The following REV3L variants were observed in gnomAD, a reference collection of about 807,000 sequenced individuals.
REV3L encodes REV3 like, DNA directed polymerase zeta catalytic subunit, also known as DNA polymerase zeta catalytic subunit.
Under a neutral mutation model 299.4 loss-of-function variants are expected in REV3L, and 69 were observed. The observed-to-expected ratio is 0.23, with a 90% CI of 0.19 to 0.28. REV3L has a LOEUF of 0.28. REV3L is among the 10% of genes least tolerant of loss of function. The probability of loss-of-function intolerance (pLI) is 1.00; values close to 1 mark genes in which losing one functional copy is unlikely to be tolerated. For missense variants in REV3L, 3,128 were observed against 3,693.8 expected (o/e 0.85, Z 3.97); for synonymous variants, 1,238 against 1,271.4 (o/e 0.97, Z 0.56).
intron 23 of REV3L, 125 bp from the exon 24 acceptor site, chr6:111,331,909 G>T: frequency 1.5e-6 from 1 of 649,642 alleles, no homozygotes; most frequent in Non-Finnish European, 2.7e-6. Context: ...AAGAATTCAT[G>T]TACTTAGTAA....
chr6:111,476,552 A>C (rs916137048), intron 1 of REV3L, among the ~76,000 whole-genome samples: 7 of 152,218 alleles, frequency 4.6e-5, no homozygotes, highest in African/African-American at 1.7e-4. Flanking sequence ...CAGATTTTGA[A>C]GGATTTCAGA....
intron 5 of REV3L, among the ~76,000 whole-genome samples, chr6:111,391,535 T>A (rs1010519521): frequency 3.9e-5 from 6 of 152,264 alleles, no homozygotes; most frequent in Non-Finnish European, 7.3e-5. Context: ...TATATTTAGA[T>A]GTTCAAACAC....
intron 1 of REV3L, among the ~76,000 whole-genome samples, chr6:111,475,389 T>C (rs572571007): frequency 8.5e-5 from 13 of 152,238 alleles, no homozygotes; most frequent in Non-Finnish European, 1.8e-4. Flanking sequence ...ATGGAATTAC[T>C]AGAACGAAAT....
At chr6:111,425,823 T>C (rs1051364916) in intron 1 of REV3L, among the ~76,000 whole-genome samples, 1 of 151,446 alleles carries the variant, frequency 6.6e-6, no homozygotes, top group Admixed American at 6.6e-5. Flanking sequence ...TCTTACCAAA[T>C]AGAGAATATC....
intron 2 of REV3L, 151 bp downstream of exon 2, chr6:111,416,132 A>C (rs992097064): frequency 6.4e-5 from 31 of 487,564 alleles, no homozygotes; most frequent in Non-Finnish European, 1.0e-4. Flanking sequence ...CATTGCCATA[A>C]AAATTCATGT....
chr6:111,377,526 G>A (rs1488316953), intron 12 of REV3L, among the ~76,000 whole-genome samples, 175 bp downstream of exon 12: 1 of 151,832 alleles, frequency 6.6e-6, no homozygotes, highest in African/African-American at 2.4e-5. Context: ...TTTAGAGACG[G>A]GGGTCCCACT....
chr6:111,366,533 G>C (rs1436127537), intron 14 of REV3L, among the ~76,000 whole-genome samples: 1 of 152,144 alleles, frequency 6.6e-6, no homozygotes, highest in African/African-American at 2.4e-5. Flanking sequence ...GAAGCTCCAA[G>C]AAGGAAGGTA....
At chr6:111,333,477 CTT>C (rs5879102) in intron 22 of REV3L, 110 bp from the exon 23 acceptor site, 72,779 of 961,482 alleles carry the variant, frequency 0.076, no homozygotes, top group Non-Finnish European at 0.086. Flanking sequence ...GATTGTATGA[CTT>C]TTTTTTTTTT....
chr6:111,361,599 G>T (rs1208417653), intron 16 of REV3L: 1 of 151,806 alleles, frequency 6.6e-6, no homozygotes, highest in East Asian at 1.9e-4. Context: ...GTGCTTAGGG[G>T]GTATTTTTTT....
chr6:111,466,942 CTTCCT>C (rs1281566575), intron 1 of REV3L, among the ~76,000 whole-genome samples: 5 of 152,044 alleles, frequency 3.3e-5, no homozygotes, highest in Admixed American at 1.3e-4. Context: ...AAATGAAAAA[CTTCCT>C]TTCAATTTTC....
At chr6:111,464,698 T>C (rs1791213854) in intron 1 of REV3L, among the ~76,000 whole-genome samples, 1 of 152,192 alleles carries the variant, frequency 6.6e-6, no homozygotes, top group South Asian at 2.1e-4. Flanking sequence ...CTGTTATCTA[T>C]GTTTTCCAAA....
At chr6:111,399,015 C>T (rs968061945) in intron 4 of REV3L, among the ~76,000 whole-genome samples, 1 of 152,038 alleles carries the variant, frequency 6.6e-6, no homozygotes, top group Non-Finnish European at 1.5e-5. Context: ...GTAAACACTT[C>T]CGATATTCTG....
chr6:111,325,571 T>C (rs1360761035), intron 25 of REV3L, among the ~76,000 whole-genome samples: 2 of 152,250 alleles, frequency 1.3e-5, no homozygotes, highest in African/African-American at 4.8e-5. Context: ...CTTTTTTGAT[T>C]GTGTGTTCTC....
chr6:111,340,350 G>C (rs1436258783), intron 21 of REV3L, among the ~76,000 whole-genome samples: 1 of 152,114 alleles, frequency 6.6e-6, no homozygotes, highest in Non-Finnish European at 1.5e-5. Flanking sequence ...TAATATTAGA[G>C]ATTAGGAAAA....
chr6:111,302,058 C>G (rs1342609546), intron 31 of REV3L, among the ~76,000 whole-genome samples: 2 of 152,176 alleles, frequency 1.3e-5, no homozygotes, highest in African/African-American at 4.8e-5. Flanking sequence ...AGAGATGGCT[C>G]ACAGGCCAGT....
intron 16 of REV3L, among the ~76,000 whole-genome samples, chr6:111,362,797 A>G (rs531933091): frequency 1.6e-4 from 25 of 152,340 alleles, no homozygotes; most frequent in Admixed American, 1.2e-3. Flanking sequence ...AAATAGTATT[A>G]CATACCTAAG....
chr6:111,453,305 G>A (rs1246069897), intron 1 of REV3L, among the ~76,000 whole-genome samples: 1 of 152,136 alleles, frequency 6.6e-6, no homozygotes, highest in Non-Finnish European at 1.5e-5. Context: ...TAATGTACAC[G>A]TGTGTACTCA....
intron 1 of REV3L, among the ~76,000 whole-genome samples, chr6:111,480,929 T>C (rs541249530): frequency 8.0e-5 from 12 of 150,824 alleles, no homozygotes; most frequent in African/African-American, 2.9e-4. Context: ...TTTTAAAAAA[T>C]ATTCAGGAAA....
chr6:111,456,688 A>G (rs1339721980), intron 1 of REV3L, among the ~76,000 whole-genome samples: 1 of 152,192 alleles, frequency 6.6e-6, no homozygotes, highest in Non-Finnish European at 1.5e-5. Flanking sequence ...TACTCATTCC[A>G]CAATATTAAA....
Sources: allele counts gnomAD v4.1 joint callset (sites outside exome capture counted in the v4.1 genomes callset), GRCh38; gene constraint gnomAD v4.1.1; transcripts MANE v1.5; gene names NCBI Gene and HGNC (gene_info 2026-07-23, HGNC 2026-07-21).